HDGFL2: variants seen among roughly 807,000 people sequenced by gnomAD.
HDGFL2 encodes hepatoma-derived growth factor-related protein 2.
In HDGFL2, 36 loss-of-function variants were observed where a neutral mutation model predicts 77.1. That is an observed-to-expected ratio of 0.47 (90% CI 0.36 to 0.62). HDGFL2 has a LOEUF of 0.62. Ranked by LOEUF, HDGFL2 falls within the 20% of genes least tolerant of loss-of-function variation. The pLI, the probability that HDGFL2 is intolerant of heterozygous loss-of-function variation, is 0.00. For missense variants in HDGFL2, 976 were observed against 973.4 expected (o/e 1.00, Z -0.04); for synonymous variants, 463 against 413.1 (o/e 1.12, Z -1.46).
rs1425266970 is a variant in HDGFL2, at chr19:4,501,333, CG to C, written c.1916+17del. 1.9e-6 allele frequency: 3 copies of C among 1,575,520 alleles called. No individual in the cohort carries two copies. Among genetic ancestry groups the C allele is most frequent in the African/African-American group, 1.3e-5 (1 of 74,100 alleles). On this transcript the variant is annotated intron_variant, in intron 15 of 15. Coordinates refer to ENST00000616600, the MANE Select transcript of HDGFL2 (RefSeq NM_001001520.3). ...ACCTGCACGAGTGAGTGTCCCGGGC[CG>C]TGGGGTTTGGACTCCTGAGCGGCAG...
At chr19:4,498,419 A>G in intron 12 of HDGFL2, 43 bp downstream of exon 12, 1 of 1,475,946 alleles carries the variant, frequency 6.8e-7, no homozygotes, top group Non-Finnish European at 9.5e-7. Flanking sequence ...CCCCGCTGCC[A>G]CCTCCCTGCC....
In HDGFL2 at chr19:4,475,739, C is replaced by T. The variant is rs189845232; in HGVS notation, c.288+156C>T. Among the ~76,000 whole-genome samples, 128 of 152,230 alleles carry T rather than the reference C, an allele frequency of 8.4e-4. 1 individual carries two copies. Among genetic ancestry groups the T allele is most frequent in the African/African-American group, 3.0e-3 (124 of 41,542 alleles). ...GCCCTGCAGGTGCTGAGCAGTGTCC[C>T]TGGCCTCCACCTACTCAGTGCCAAG... On this transcript the variant is annotated intron_variant, in intron 3 of 15. Transcript: ENST00000616600.
In HDGFL2 at chr19:4,496,348, C is replaced by T; in HGVS notation, c.1271C>T (p.Ala424Val). 6.2e-7 allele frequency: 1 copy of T among 1,614,142 alleles called. No individual in the cohort carries two copies. The highest frequency in any genetic ancestry group is 8.5e-7 in the Non-Finnish European group (1 of 1,179,990). Residue 424 changes from alanine to valine, a missense_variant, in exon 10 of 16, where the codon GCC becomes GTC. By Grantham distance (64) the Ala-to-Val change is moderately conservative. This residue lies in a region of HDGFL2 where 567 missense variants were observed against 534.7 expected (regional missense o/e 1.06). Transcript: ENST00000616600. ...KKPQSSSTEP[A>V]RKPGQKEKRV... ...CCGCAGTCCTCAAGCACAGAGCCCGCCAGGAAACCTGGCCAGAAGGAGAAG... is the reference window on the plus strand; with the variant it reads ...CCGCAGTCCTCAAGCACAGAGCCCGTCAGGAAACCTGGCCAGAAGGAGAAG...
intron 1 of HDGFL2, among the ~76,000 whole-genome samples, chr19:4,474,723 C>T (rs1435617105): frequency 6.6e-6 from 1 of 152,122 alleles, no homozygotes; most frequent in Non-Finnish European, 1.5e-5. Context: ...TCTCCTAGCC[C>T]CAAACGTTTC....
intron 3 of HDGFL2, among the ~76,000 whole-genome samples, chr19:4,481,658 T>C (rs1048630980): frequency 6.6e-6 from 1 of 151,906 alleles, no homozygotes; most frequent in African/African-American, 2.4e-5. Context: ...GATTTCACTA[T>C]GTTGGCCAGG....
Position 4,472,365 on chromosome 19 carries a change from C to A in HDGFL2, c.15C>A (p.Phe5Leu). 6.5e-7 allele frequency: 1 copy of A among 1,529,748 alleles called. No homozygotes were observed. Among genetic ancestry groups the A allele is most frequent in the Non-Finnish European group, 8.8e-7 (1 of 1,141,032 alleles). 94.8% of individuals were successfully genotyped at this position (1,529,748 alleles called of 1,614,324 possible). MPHAFKPGDLVFAKM... is the reference protein window; with the variant it reads MPHALKPGDLVFAKM... The stretch of plus-strand genomic sequence containing the variant: ...TCGCCGTCAGCATGCCACACGCCTT[C>A]AAGCCCGGGGACTTGGTGTTCGCTA... The change falls in exon 1 of 16, where the codon TTC becomes TTA. Residue 5 changes from phenylalanine (F) to leucine (L), a missense_variant. Coordinates refer to ENST00000616600, the MANE Select transcript of HDGFL2 (RefSeq NM_001001520.3).
At chr19:4,492,879 GGT>G (rs771847934) in intron 6 of HDGFL2, among the ~76,000 whole-genome samples, 10 of 130,032 alleles carry the variant, frequency 7.7e-5, no homozygotes, top group South Asian at 2.4e-4. Flanking sequence ...TGTGTGGTGT[GGT>G]GTGTGTTATC....
rs1005873241 is a variant in HDGFL2 at position 4,497,976 on chromosome 19, G to C, written c.1347G>C (p.Arg449=). Residue 449 remains arginine (R), a synonymous_variant, in exon 11 of 16, where the codon CGG becomes CGC. Coordinates refer to ENST00000616600, the MANE Select transcript of HDGFL2 (RefSeq NM_001001520.3). ...TCCACAGGCCCGTGAAGGTGGAGCG[G>C]ACCCGGAAGCGGTCCGAGGGCTTCT... ...KQQAKPVKVE[R]TRKRSEGFSM... 7 of 1,555,058 alleles carry C rather than the reference G, an allele frequency of 4.5e-6. No homozygotes were observed. In the Admixed American group the frequency reaches 1.4e-4, roughly 30 times the overall value.
At chr19:4,496,540 T>G (rs1975707735) in intron 10 of HDGFL2, 135 bp downstream of exon 10, 1 of 695,042 alleles carries the variant, frequency 1.4e-6, no homozygotes, top group South Asian at 1.7e-5. Flanking sequence ...TCCTGGTCCT[T>G]GGGTTGTGTG....
chr19:4,473,836 G>A (rs1008190631), intron 1 of HDGFL2, among the ~76,000 whole-genome samples: 2 of 151,932 alleles, frequency 1.3e-5, no homozygotes, highest in Non-Finnish European at 2.9e-5. Flanking sequence ...AGCTGGTTTT[G>A]GAGGGACTTG....
chr19:4,493,066 CTGTGTGTGG>C lies in HDGFL2; in HGVS notation c.679-628_679-620del, dbSNP rs1354459274. 5.7e-5 allele frequency among the ~76,000 whole-genome samples: 4 copies of C among 69,924 alleles called. No homozygotes were observed. In the Admixed American group the frequency reaches 7.2e-4, roughly 13 times the overall value. The allele number at this position is 69,924 out of a possible 152,430, so 45.9% of individuals were successfully genotyped here. ...GGTATCTGTGTGGTGTGTGTGTTGT[CTGTGTGTGG>C]TGTGTGTGTGTTATCTGTGTGGTGT... On this transcript the variant is annotated intron_variant, in intron 6 of 15. Coordinates refer to ENST00000616600, the MANE Select transcript of HDGFL2 (RefSeq NM_001001520.3).
At chr19:4,495,806 C>T (rs1323604248) in intron 9 of HDGFL2, among the ~76,000 whole-genome samples, 2 of 152,068 alleles carry the variant, frequency 1.3e-5, no homozygotes, top group African/African-American at 4.8e-5. Flanking sequence ...TGTCAGGACT[C>T]TCCTATACCA....
chr19:4,481,100 C>G (rs987570404), intron 3 of HDGFL2, among the ~76,000 whole-genome samples: 1 of 151,720 alleles, frequency 6.6e-6, no homozygotes, highest in African/African-American at 2.4e-5. Context: ...CTGCTCACTA[C>G]AAGCTCCGCC....
intron 9 of HDGFL2, among the ~76,000 whole-genome samples, chr19:4,495,169 C>T (rs1018827308): frequency 7.2e-5 from 11 of 151,988 alleles, no homozygotes; most frequent in South Asian, 2.1e-4. Flanking sequence ...GGGTGGATCA[C>T]GAGGTGAGGA....
chr19:4,498,218 C>T, intron 11 of HDGFL2, 88 bp from the exon 12 acceptor site: 1 of 1,322,742 alleles, frequency 7.6e-7, no homozygotes, highest in Non-Finnish European at 1.1e-6. Context: ...ATGACAAATC[C>T]TCCAGAGGCT....
intron 3 of HDGFL2, among the ~76,000 whole-genome samples, chr19:4,480,831 C>T (rs1975193712): frequency 6.6e-6 from 1 of 152,158 alleles, no homozygotes; most frequent in Non-Finnish European, 1.5e-5. Context: ...GACATCCCCT[C>T]TGTGAGCCTC....
chr19:4,501,051 C>G, intron 14 of HDGFL2, 140 bp from the exon 15 acceptor site: 1 of 955,818 alleles, frequency 1.0e-6, no homozygotes, highest in Non-Finnish European at 1.5e-6. Context: ...GACTGGACAG[C>G]AGGTGCTGGG....
At chr19:4,494,884 C>T (rs1008472265) in intron 9 of HDGFL2, among the ~76,000 whole-genome samples, 2 of 152,062 alleles carry the variant, frequency 1.3e-5, no homozygotes, top group Non-Finnish European at 2.9e-5. Context: ...CAATCCACTG[C>T]ACTCCAGCCT....
At chr19:4,498,476 G>A in intron 12 of HDGFL2, 100 bp downstream of exon 12, 1 of 943,764 alleles carries the variant, frequency 1.1e-6, no homozygotes, top group Non-Finnish European at 1.7e-6. Flanking sequence ...CCGGGGTCCT[G>A]CAGTTGGGTG....
Sources: allele counts gnomAD v4.1 joint callset (sites outside exome capture counted in the v4.1 genomes callset), GRCh38; gene constraint gnomAD v4.1.1; regional missense constraint gnomAD v4.1.1; transcripts MANE v1.5; gene names NCBI Gene and HGNC (gene_info 2026-07-23, HGNC 2026-07-21).